Variants in ZNF521 observed in about 807,000 individuals in gnomAD.
The protein encoded by ZNF521 is LYST-interacting protein 3.
A neutral mutation model predicts 105.5 loss-of-function variants in ZNF521; 14 were observed. The observed-to-expected ratio is 0.13, with a 90% CI of 0.09 to 0.21. ZNF521 has a LOEUF of 0.21. Among genes scored for constraint, ZNF521 ranks in the 10% least tolerant of loss-of-function variants. The pLI is 1.00. For synonymous variants in ZNF521, 635 were observed against 606.0 expected (o/e 1.05, Z -0.70); for missense variants, 1,233 against 1,629.7 (o/e 0.76, Z 4.19).
chr18:25,195,465 G>A (rs1424699498), intron 4 of ZNF521, among the ~76,000 whole-genome samples: 1 of 151,560 alleles, frequency 6.6e-6, no homozygotes, highest in Admixed American at 6.6e-5. Context: ...AGAAACAGAA[G>A]CACATAATTA....
At chr18:25,316,941 GC>G (rs1202095130) in intron 3 of ZNF521, among the ~76,000 whole-genome samples, 5 of 146,460 alleles carry the variant, frequency 3.4e-5, no homozygotes, top group South Asian at 2.3e-4. Flanking sequence ...TGCAACCTCC[GC>G]CTCCTGGGTT....
chr18:25,099,490 T>G (rs1262909063), intron 5 of ZNF521, among the ~76,000 whole-genome samples: 2 of 152,168 alleles, frequency 1.3e-5, no homozygotes, highest in African/African-American at 4.8e-5. Context: ...AGCCAAAACT[T>G]ATCCCTTATT....
At chr18:25,193,205 GACAAA>G (rs1008340238) in intron 5 of ZNF521, among the ~76,000 whole-genome samples, 4 of 151,904 alleles carry the variant, frequency 2.6e-5, no homozygotes, top group African/African-American at 9.7e-5. Flanking sequence ...TTAAAAAGAA[GACAAA>G]ACAAACTGAT....
intron 5 of ZNF521, among the ~76,000 whole-genome samples, chr18:25,187,048 T>C (rs1389492167): frequency 6.6e-6 from 1 of 152,174 alleles, no homozygotes; most frequent in African/African-American, 2.4e-5. Context: ...TTTATTAGTT[T>C]GGTTTAAAAA....
In ZNF521 at chr18:25,102,621, C is replaced by T. The variant is rs753428640; in HGVS notation, c.3659-10540G>A. Among the ~76,000 whole-genome samples, 8 of 152,120 alleles carry T rather than the reference C, an allele frequency of 5.3e-5. No individual in the cohort carries two copies. The South Asian group carries it at 6.2e-4, about 12-fold the overall frequency. ...TAGCTCCCTGCAGCCTCAAGCTCCT[C>T]GGCTCAGGCAATCCTTCTTGAATAG... On this transcript the variant is annotated intron_variant, in intron 5 of 7. Transcript: ENST00000361524.
At chr18:25,333,407 C>T (rs1481831328) in intron 2 of ZNF521, among the ~76,000 whole-genome samples, 2 of 151,762 alleles carry the variant, frequency 1.3e-5, no homozygotes. Flanking sequence ...GGCCAGGGCT[C>T]ATCTTACTTT....
intron 5 of ZNF521, among the ~76,000 whole-genome samples, chr18:25,113,769 C>CGG (rs1250241890): frequency 6.7e-6 from 1 of 149,442 alleles, no homozygotes; most frequent in Non-Finnish European, 1.5e-5. Flanking sequence ...CGGACACACA[C>CGG]ACACACACAC....
chr18:25,066,568 TTGTGTTTTC>T (rs1289340630), intron 7 of ZNF521, among the ~76,000 whole-genome samples: 1 of 152,194 alleles, frequency 6.6e-6, no homozygotes, highest in African/African-American at 2.4e-5. Context: ...TCAGTGTTTT[TTGTGTTTTC>T]TGATGCTCAT....
chr18:25,247,760 A>G (rs542228315), intron 3 of ZNF521, among the ~76,000 whole-genome samples: 1 of 152,280 alleles, frequency 6.6e-6, no homozygotes, highest in East Asian at 1.9e-4. Flanking sequence ...TTGGAGTAGG[A>G]GGGACTGGAT....
At chr18:25,338,914 A>G (rs1914047102) in intron 2 of ZNF521, among the ~76,000 whole-genome samples, 1 of 152,254 alleles carries the variant, frequency 6.6e-6, no homozygotes, top group Admixed American at 6.5e-5. Flanking sequence ...TCACAATTCC[A>G]GAATGAGTGA....
intron 4 of ZNF521, among the ~76,000 whole-genome samples, chr18:25,198,681 C>T (rs1209878829): frequency 1.3e-5 from 2 of 151,708 alleles, no homozygotes; most frequent in African/African-American, 4.8e-5. Context: ...TGAAAATTGG[C>T]AATGAAAGGG....
intron 5 of ZNF521, among the ~76,000 whole-genome samples, chr18:25,094,074 C>T (rs142360899): frequency 1.3e-5 from 2 of 152,182 alleles, no homozygotes; most frequent in African/African-American, 4.8e-5. Context: ...GCACAAGAAC[C>T]AAGAGATGGC....
chr18:25,282,091 A>T (rs1021899287), intron 3 of ZNF521, among the ~76,000 whole-genome samples: 2 of 152,190 alleles, frequency 1.3e-5, no homozygotes, highest in African/African-American at 2.4e-5. Context: ...TTATAGGAAA[A>T]TTCTGTTTAA....
chr18:25,191,257 C>T (rs1214352809), intron 5 of ZNF521, among the ~76,000 whole-genome samples: 2 of 152,066 alleles, frequency 1.3e-5, no homozygotes, highest in African/African-American at 4.8e-5. Flanking sequence ...ATGGCTTGTA[C>T]CTATTCCATT....
chr18:25,212,531 A>T (rs1600160954), intron 4 of ZNF521, among the ~76,000 whole-genome samples: 1 of 117,274 alleles, frequency 8.5e-6, no homozygotes, highest in African/African-American at 3.8e-5. Flanking sequence ...AAAAAAAAAA[A>T]AAAAAAAATA....
At chr18:25,235,179 C>T (rs774540289) in intron 3 of ZNF521, among the ~76,000 whole-genome samples, 7 of 152,180 alleles carry the variant, frequency 4.6e-5, no homozygotes, top group Non-Finnish European at 8.8e-5. Context: ...ATAGTGCCAG[C>T]ACCACTCTAT....
intron 2 of ZNF521, among the ~76,000 whole-genome samples, chr18:25,328,818 C>G (rs1022603718): frequency 1.3e-5 from 2 of 152,200 alleles, no homozygotes; most frequent in Non-Finnish European, 2.9e-5. Context: ...TCCCAAAGTG[C>G]TGGGATTACA....
chr18:25,162,771 G>A (rs1019985021), intron 5 of ZNF521, among the ~76,000 whole-genome samples: 1 of 152,178 alleles, frequency 6.6e-6, no homozygotes, highest in Non-Finnish European at 1.5e-5. Context: ...TAAAGGAAGT[G>A]ATCTCTGTGT....
At chr18:25,106,790 T>C (rs1254276263) in intron 5 of ZNF521, among the ~76,000 whole-genome samples, 3 of 152,172 alleles carry the variant, frequency 2.0e-5, no homozygotes, top group African/African-American at 7.2e-5. Flanking sequence ...TGAGCTTGGT[T>C]AGTAAGCAGA....
Sources: allele counts gnomAD v4.1 joint callset (sites outside exome capture counted in the v4.1 genomes callset), GRCh38; gene constraint gnomAD v4.1.1; transcripts MANE v1.5; gene names NCBI Gene and HGNC (gene_info 2026-07-23, HGNC 2026-07-21).